KCTD8: variants seen among roughly 807,000 people sequenced by gnomAD.
The protein encoded by KCTD8 is potassium channel tetramerization domain containing 8, also known as BTB/POZ domain-containing protein KCTD8.
KCTD8 carries 27 observed loss-of-function variants against 31.5 expected under a neutral mutation model. The observed-to-expected ratio is 0.86, with a 90% confidence interval of 0.63 to 1.18. KCTD8 has a LOEUF of 1.18. KCTD8 is among the 50% of genes most tolerant of loss of function. KCTD8 has a pLI of 0.00. For missense variants in KCTD8, 658 were observed against 647.7 expected (o/e 1.02, Z -0.17); for synonymous variants, 290 against 280.0 (o/e 1.04, Z -0.36).
At chr4:44,188,316 G>C (rs989804990) in intron 1 of KCTD8, among the ~76,000 whole-genome samples, 2 of 152,168 alleles carry the variant, frequency 1.3e-5, no homozygotes, top group Non-Finnish European at 2.9e-5. Context: ...GTGCATAGCA[G>C]GGTTTAATTT....
intron 1 of KCTD8, among the ~76,000 whole-genome samples, chr4:44,337,760 TACC>T (rs1428480891): frequency 1.3e-5 from 2 of 151,600 alleles, no homozygotes; most frequent in Non-Finnish European, 2.9e-5. Context: ...ATGGTATTTA[TACC>T]ACATTGTTGA....
chr4:44,254,201 T>C (rs1054472536), intron 1 of KCTD8, among the ~76,000 whole-genome samples: 4 of 151,888 alleles, frequency 2.6e-5, no homozygotes. Context: ...AAGTGAACTG[T>C]TTAGTTATTA....
intron 1 of KCTD8, among the ~76,000 whole-genome samples, chr4:44,401,104 C>G (rs1250640588): frequency 2.1e-5 from 3 of 144,050 alleles, no homozygotes; most frequent in Non-Finnish European, 4.5e-5. Context: ...CCTCCCAACT[C>G]AGCCTCCCAA....
intron 1 of KCTD8, among the ~76,000 whole-genome samples, chr4:44,361,480 C>A (rs1371932441): frequency 6.6e-6 from 1 of 151,942 alleles, no homozygotes; most frequent in African/African-American, 2.4e-5. Flanking sequence ...AATAGTGATG[C>A]CTCAGTTTCT....
rs1717480468 is a variant in KCTD8 at position 44,297,779 on chromosome 4, C to A, written c.962-122529G>T. On this transcript the variant is annotated intron_variant, in intron 1 of 1. Coordinates refer to ENST00000360029, the MANE Select transcript of KCTD8 (RefSeq NM_198353.3). ...TAAAACATTAGAAATGTCTACTACT[C>A]CACAATGAATTTGCAACTTACATGA... Among the ~76,000 whole-genome samples, 3 of 152,154 alleles carry A rather than the reference C, an allele frequency of 2.0e-5. No homozygotes were observed. In the South Asian group the frequency reaches 6.2e-4, roughly 32 times the overall value.
intron 1 of KCTD8, among the ~76,000 whole-genome samples, chr4:44,215,781 TA>T (rs1714630125): frequency 6.6e-6 from 1 of 150,560 alleles, no homozygotes; most frequent in Non-Finnish European, 1.5e-5. Flanking sequence ...GGACCAATGT[TA>T]ACCTGTCTAG....
chr4:44,266,246 C>T (rs564145624), intron 1 of KCTD8, among the ~76,000 whole-genome samples: 1 of 152,078 alleles, frequency 6.6e-6, no homozygotes, highest in East Asian at 1.9e-4. Context: ...ATTCAACATT[C>T]TTAAAGAAAA....
chr4:44,349,427 G>A (rs1477987001), intron 1 of KCTD8, among the ~76,000 whole-genome samples: 2 of 152,166 alleles, frequency 1.3e-5, no homozygotes, highest in Admixed American at 6.6e-5. Flanking sequence ...AATGCCCATT[G>A]CAATTGTCCA....
intron 1 of KCTD8, among the ~76,000 whole-genome samples, chr4:44,344,159 C>T (rs1718979398): frequency 6.6e-6 from 1 of 151,760 alleles, no homozygotes; most frequent in Admixed American, 6.6e-5. Context: ...GCCTAGCCCA[C>T]ATTACAGGTT....
chr4:44,228,006 A>G (rs1715014164), intron 1 of KCTD8, among the ~76,000 whole-genome samples: 1 of 152,040 alleles, frequency 6.6e-6, no homozygotes, highest in African/African-American at 2.4e-5. Context: ...TTTAATACCT[A>G]TTATTGGCTT....
At chr4:44,395,928 G>A (rs1720493840) in intron 1 of KCTD8, among the ~76,000 whole-genome samples, 1 of 152,020 alleles carries the variant, frequency 6.6e-6, no homozygotes, top group African/African-American at 2.4e-5. Flanking sequence ...GGTTAGGGAT[G>A]GTTTGAGGAT....
chr4:44,388,568 G>A (rs1720284545), intron 1 of KCTD8, among the ~76,000 whole-genome samples: 1 of 151,770 alleles, frequency 6.6e-6, no homozygotes, highest in Non-Finnish European at 1.5e-5. Flanking sequence ...TATGGATGGA[G>A]CTGAAGGTCA....
At chr4:44,415,880 C>A (rs1721068456) in intron 1 of KCTD8, among the ~76,000 whole-genome samples, 1 of 152,170 alleles carries the variant, frequency 6.6e-6, no homozygotes, top group Non-Finnish European at 1.5e-5. Flanking sequence ...TGGGTGGACC[C>A]ACAGAGTCCC....
At chr4:44,251,609 T>C (rs1437260184) in intron 1 of KCTD8, among the ~76,000 whole-genome samples, 1 of 151,602 alleles carries the variant, frequency 6.6e-6, no homozygotes, top group Admixed American at 6.6e-5. Flanking sequence ...CATTTTCTAA[T>C]TATGTATTGC....
At chr4:44,420,166 G>A (rs1477404410) in intron 1 of KCTD8, among the ~76,000 whole-genome samples, 1 of 151,972 alleles carries the variant, frequency 6.6e-6, no homozygotes, top group African/African-American at 2.4e-5. Context: ...CAACTCATGG[G>A]AGGACAGAGA....
chr4:44,283,025 T>TTTTTTA (rs1553898518), intron 1 of KCTD8, among the ~76,000 whole-genome samples: 11 of 136,330 alleles, frequency 8.1e-5, no homozygotes, highest in African/African-American at 3.1e-4. Flanking sequence ...AACAACACAT[T>TTTTTTA]TTATTATTAT....
At chr4:44,388,580 T>A (rs1720284951) in intron 1 of KCTD8, among the ~76,000 whole-genome samples, 1 of 151,776 alleles carries the variant, frequency 6.6e-6, no homozygotes, top group African/African-American at 2.4e-5. Context: ...TGAAGGTCAT[T>A]ATCCTTAGCA....
At chr4:44,261,818 T>C (rs900935145) in intron 1 of KCTD8, among the ~76,000 whole-genome samples, 3 of 152,060 alleles carry the variant, frequency 2.0e-5, no homozygotes, top group Non-Finnish European at 4.4e-5. Context: ...GAATTGTATA[T>C]GACAGTGAAT....
Position 44,280,580 on chromosome 4 carries a change from C to T in KCTD8, c.962-105330G>A, listed in dbSNP as rs140723924. Among the ~76,000 whole-genome samples, 13 of 152,204 alleles carry T rather than the reference C, an allele frequency of 8.5e-5. No homozygotes were observed. The East Asian group carries it at 1.7e-3, about 20-fold the overall frequency. ...CTCCATTGTATGCTCTCCCTCACAA[C>T]TCCCCTAGGCTAAGGATACTATCAC... On this transcript the variant is annotated intron_variant, in intron 1 of 1. Transcript: ENST00000360029.
Sources: allele counts gnomAD v4.1 joint callset (sites outside exome capture counted in the v4.1 genomes callset), GRCh38; gene constraint gnomAD v4.1.1; transcripts MANE v1.5; gene names NCBI Gene and HGNC (gene_info 2026-07-23, HGNC 2026-07-21).